Variants in PTPRK observed in about 807,000 individuals in gnomAD.
PTPRK encodes receptor-type tyrosine-protein phosphatase kappa.
A neutral mutation model predicts 178.0 loss-of-function variants in PTPRK; 75 were observed. The observed-to-expected ratio is 0.42, with a 90% CI of 0.35 to 0.51. The LOEUF is 0.51. PTPRK is among the 20% of genes least tolerant of loss of function. PTPRK has a pLI of 0.02. For missense variants in PTPRK, 1,441 were observed against 1,797.8 expected (o/e 0.80, Z 3.59); for synonymous variants, 637 against 620.6 (o/e 1.03, Z -0.39).
chr6:128,042,394 G>T (rs1279433832), intron 13 of PTPRK, among the ~76,000 whole-genome samples: 1 of 151,966 alleles, frequency 6.6e-6, no homozygotes, highest in East Asian at 1.9e-4. Flanking sequence ...TAAAATCAAG[G>T]TGTTGGCAGG....
At chr6:127,990,971 T>G (rs1320268594) in intron 20 of PTPRK, 86 bp from the exon 21 acceptor site, 1 of 647,336 alleles carries the variant, frequency 1.5e-6, no homozygotes, top group African/African-American at 2.0e-5. Context: ...TAACTCCTTG[T>G]CACAATTAAA....
intron 13 of PTPRK, among the ~76,000 whole-genome samples, chr6:128,044,675 C>T (rs947762604): frequency 6.6e-6 from 1 of 151,590 alleles, no homozygotes; most frequent in African/African-American, 2.4e-5. Flanking sequence ...TAAGTCTCAG[C>T]TGAAACATCA....
chr6:127,976,378 G>A (rs1387736267), intron 27 of PTPRK, among the ~76,000 whole-genome samples: 1 of 152,162 alleles, frequency 6.6e-6, no homozygotes, highest in Non-Finnish European at 1.5e-5. Flanking sequence ...CATACACTCA[G>A]AGGCCAGGCC....
In PTPRK at chr6:127,973,699, G is replaced by T; in HGVS notation, c.4098C>A (p.Cys1366Ter). The change falls in exon 28 of 30, where the codon TGC becomes TGA. Residue 1366 changes from cysteine to a stop codon, truncating the protein, a stop_gained. Coordinates refer to ENST00000368226, the MANE Select transcript of PTPRK (RefSeq NM_002844.4). LOFTEE classifies it high-confidence loss of function. The stretch of plus-strand genomic sequence containing the variant: ...TAATCGTCCGGCCTTCCCCTTCCTC[G>T]CATTCCTCCTGCCACTTTTCCACCT... ...ILQVEKWQEE[C>*]EEGEGRTIIH... The T allele has an allele frequency of 6.2e-7, 1 of 1,613,766 alleles. No individual in the cohort carries two copies. The highest frequency in any genetic ancestry group is 8.5e-7 in the Non-Finnish European group (1 of 1,179,912).
In PTPRK at chr6:128,397,489, T is replaced by G. The variant is rs1840468596; in HGVS notation, c.223+77A>C. On this transcript the variant is annotated intron_variant, in intron 2 of 29. Coordinates refer to ENST00000368226, the MANE Select transcript of PTPRK (RefSeq NM_002844.4). The stretch of plus-strand genomic sequence containing the variant: ...CTTATTATAACCATTAAATTATTGT[T>G]GTTACACTTTAAATAAGAAAATCAT... 3 of 1,534,548 alleles carry G rather than the reference T, an allele frequency of 2.0e-6. No individual in the cohort carries two copies. In the African/African-American group the frequency reaches 4.1e-5, roughly 21 times the overall value.
At chr6:128,491,439 G>C (rs1243419416) in intron 1 of PTPRK, among the ~76,000 whole-genome samples, 1 of 152,188 alleles carries the variant, frequency 6.6e-6, no homozygotes, top group Non-Finnish European at 1.5e-5. Context: ...GGACACAAAG[G>C]CTTTTTGTGT....
At chr6:128,043,088 A>G (rs1777465705) in intron 13 of PTPRK, among the ~76,000 whole-genome samples, 1 of 152,102 alleles carries the variant, frequency 6.6e-6, no homozygotes, top group African/African-American at 2.4e-5. Flanking sequence ...TCTCCCTAAT[A>G]AACAAATGGC....
At chr6:128,356,016 G>GA (rs1833912437) in intron 2 of PTPRK, among the ~76,000 whole-genome samples, 1 of 152,112 alleles carries the variant, frequency 6.6e-6, no homozygotes, top group Non-Finnish European at 1.5e-5. Flanking sequence ...TAAGTAAATG[G>GA]AAAATCAGTC....
At chr6:128,348,836 ACT>A (rs991591026) in intron 2 of PTPRK, among the ~76,000 whole-genome samples, 2 of 152,086 alleles carry the variant, frequency 1.3e-5, no homozygotes, top group African/African-American at 4.8e-5. Context: ...CCTGTTGAAC[ACT>A]GATAAGAAAA....
chr6:127,992,760 A>G, intron 18 of PTPRK, 51 bp from the exon 19 acceptor site: 1 of 1,427,038 alleles, frequency 7.0e-7, no homozygotes, highest in Non-Finnish European at 9.6e-7. Flanking sequence ...ATCAGAAATA[A>G]ATGAATGAAG....
intron 3 of PTPRK, among the ~76,000 whole-genome samples, chr6:128,316,678 G>C (rs1366770875): frequency 6.6e-6 from 1 of 150,882 alleles, no homozygotes; most frequent in East Asian, 1.9e-4. Context: ...AGGAACCAGA[G>C]AGGTCACCTT....
Position 128,067,649 on chromosome 6 carries a change from G to C in PTPRK, c.2027C>G (p.Pro676Arg). Residue 676 changes from proline to arginine, a missense_variant, in exon 12 of 30, where the codon CCG becomes CGG. This residue lies in a region of PTPRK where 945 missense variants were observed against 1,080.6 expected (regional missense o/e 0.87). Coordinates refer to ENST00000368226, the MANE Select transcript of PTPRK (RefSeq NM_002844.4). ...APYYFAAELP[P>R]GNLPEPAPFT... ...CGGGGCAGGCTCAGGTAGGTTTCCC[G>C]GGGGGAGTTCTGCAGCAAAGTAATA... 2 of 1,613,398 alleles carry C rather than the reference G, an allele frequency of 1.2e-6. No homozygotes were observed. The highest frequency in any genetic ancestry group is 1.7e-4 in the Middle Eastern group (1 of 6,056).
At chr6:128,249,736 AG>A (rs766977690) in intron 3 of PTPRK, among the ~76,000 whole-genome samples, 9 of 152,248 alleles carry the variant, frequency 5.9e-5, no homozygotes, top group Non-Finnish European at 1.3e-4. Flanking sequence ...AAGTGGAGAG[AG>A]CAACTCTAAA....
chr6:127,978,118 G>A (rs1235837206), intron 25 of PTPRK, among the ~76,000 whole-genome samples: 1 of 152,182 alleles, frequency 6.6e-6, no homozygotes, highest in African/African-American at 2.4e-5. Flanking sequence ...CTGAGTAGAT[G>A]ACAATAATAA....
chr6:128,078,900 T>A lies in PTPRK; in HGVS notation c.1796A>T (p.Tyr599Phe). ...ATTGAGAGAGGCATCAACTCCTTCA[T>A]AGTCAGGTAAAGTTGGAGCTGATGA... ...TNISAPTLPD[Y>F]EGVDASLNET... is the part of the protein sequence containing the mutation. Residue 599 changes from tyrosine to phenylalanine, a missense_variant, in exon 11 of 30, where the codon TAT becomes TTT. Tyr to Phe is a conservative substitution (Grantham distance 22, BLOSUM62 3). Transcript: ENST00000368226. 2 of 1,611,104 alleles carry A rather than the reference T, an allele frequency of 1.2e-6. No individual in the cohort carries two copies. Among genetic ancestry groups the A allele is most frequent in the African/African-American group, 1.3e-5 (1 of 74,896 alleles).
chr6:128,234,331 C>T (rs916010257), intron 5 of PTPRK, among the ~76,000 whole-genome samples: 11 of 152,036 alleles, frequency 7.2e-5, no homozygotes, highest in African/African-American at 2.7e-4. Context: ...TCATTTTTTC[C>T]TCATTTGTGT....
chr6:128,086,833 C>T lies in PTPRK; in HGVS notation c.1465+2857G>A, dbSNP rs567623785. 6.6e-5 allele frequency among the ~76,000 whole-genome samples: 10 copies of T among 151,850 alleles called. No individual in the cohort carries two copies. In the South Asian group the frequency reaches 1.0e-3, roughly 16 times the overall value. On this transcript the variant is annotated intron_variant, in intron 8 of 29. Transcript: ENST00000368226. ...TTAAACAAAAAGAAAAAATTACGCT[C>T]ATAGTAGAAGGGATTAGTTTGTGAC...
intron 13 of PTPRK, among the ~76,000 whole-genome samples, chr6:128,011,486 G>A (rs748242179): frequency 3.3e-5 from 5 of 150,898 alleles, no homozygotes; most frequent in African/African-American, 7.3e-5. Context: ...ATTATGAGTC[G>A]CATATGCTAC....
intron 2 of PTPRK, among the ~76,000 whole-genome samples, chr6:128,377,590 C>T (rs1235954536): frequency 6.6e-6 from 1 of 151,928 alleles, no homozygotes; most frequent in Non-Finnish European, 1.5e-5. Context: ...ACAACTGGAA[C>T]TGCCTAAATT....
Sources: gnomAD v4.1 joint callset for allele counts (sites outside exome capture counted in the v4.1 genomes callset) on GRCh38, gnomAD v4.1.1 for gene constraint, gnomAD v4.1.1 regional missense constraint, MANE v1.5 for transcripts, NCBI Gene and HGNC (gene_info 2026-07-23, HGNC 2026-07-21) for gene names.